The following CGGBP1 variants were observed in gnomAD, a reference collection of about 807,000 sequenced individuals.
CGGBP1 encodes the protein CGG triplet repeat-binding protein 1.
CGGBP1 carries 4 observed loss-of-function variants against 11.4 expected under a neutral mutation model. The ratio of observed to expected loss-of-function variants is 0.35; its 90% CI spans 0.17 to 0.80. CGGBP1 has a LOEUF of 0.80. CGGBP1 is among the 30% of genes least tolerant of loss of function. CGGBP1 has a pLI of 0.52. For missense variants in CGGBP1, 135 were observed against 202.1 expected (o/e 0.67, Z 2.01); for synonymous variants, 76 against 74.1 (o/e 1.03, Z -0.13).
chr3:88,108,997 A>G (rs1286150977), intron 2 of CGGBP1, among the ~76,000 whole-genome samples: 5 of 152,110 alleles, frequency 3.3e-5, no homozygotes, highest in Admixed American at 6.6e-5. Context: ...GTTAAGATGG[A>G]AAAGGCGTTA....
At position 88,055,411 on chromosome 3, in the gene CGGBP1, C is replaced by T; in HGVS notation, c.*62G>A. On this transcript the variant is annotated 3_prime_UTR_variant, in exon 4 of 4. Coordinates refer to ENST00000482016, the MANE Select transcript of CGGBP1 (RefSeq NM_001008390.2). This position sits in a 1 kb window ranked among gnomAD's most constrained non-coding sequence, Gnocchi z 4.2. The stretch of plus-strand genomic sequence containing the variant: ...GAAATAAATACAAAAATGAACCACA[C>T]AATCAACACATAACTTTAATACTCC... 1 of 1,367,222 alleles carries T rather than the reference C, an allele frequency of 7.3e-7. No homozygotes were observed. The highest frequency in any genetic ancestry group is 1.7e-5 in the South Asian group (1 of 58,622). The allele number at this position is 1,367,222 out of a possible 1,614,324, so 84.7% of individuals were successfully genotyped here.
intron 2 of CGGBP1, among the ~76,000 whole-genome samples, chr3:88,116,170 C>T (rs1705377911): frequency 6.6e-6 from 1 of 152,080 alleles, no homozygotes. Flanking sequence ...GTGCATCAGG[C>T]ATGCAGCAGA....
rs1299264844 is a variant in CGGBP1, at chr3:88,104,248, ACTG to A, written c.-229+36719_-229+36721del. ...ATAGAGTGGAAAATGGTAAATAAAA[ACTG>A]AAGATAAATATCAAATTAAATTTTT... On this transcript the variant is annotated intron_variant, in intron 2 of 3. Transcript: ENST00000462901. Among the ~76,000 whole-genome samples, 3 of 152,322 alleles carry A rather than the reference ACTG, an allele frequency of 2.0e-5. No individual in the cohort carries two copies. In the East Asian group the frequency reaches 5.8e-4, roughly 29 times the overall value.
chr3:88,116,796 A>T (rs948423483), intron 2 of CGGBP1, among the ~76,000 whole-genome samples: 1 of 152,142 alleles, frequency 6.6e-6, no homozygotes, highest in African/African-American at 2.4e-5. Flanking sequence ...CTCATAGGCC[A>T]TGATCTACTA....
chr3:88,058,324 T>C (rs1706623028), intron 1 of CGGBP1, 101 bp from the exon 2 acceptor site: 1 of 152,172 alleles, frequency 6.6e-6, no homozygotes, highest in East Asian at 1.9e-4. Flanking sequence ...CACGCAGGTG[T>C]TTCTAAAATC....
intron 2 of CGGBP1, chr3:88,139,545 A>G (rs752608141): frequency 1.9e-6 from 3 of 1,613,510 alleles, no homozygotes; most frequent in Non-Finnish European, 2.5e-6. Flanking sequence ...TAGTTCTTCC[A>G]TTTCATTTGA....
chr3:88,100,350 TA>T (rs1343417121), intron 2 of CGGBP1, among the ~76,000 whole-genome samples: 2 of 152,090 alleles, frequency 1.3e-5, no homozygotes, highest in Non-Finnish European at 2.9e-5. Context: ...TGTGGAGAAA[TA>T]GGAACACTTT....
At chr3:88,060,137 C>T (rs985283695), upstream of CGGBP1, among the ~76,000 whole-genome samples, 1 of 152,038 alleles carries the variant, frequency 6.6e-6, no homozygotes, top group Admixed American at 6.6e-5. Flanking sequence ...TAACCTCCTT[C>T]GGTTGACACA....
intron 2 of CGGBP1, among the ~76,000 whole-genome samples, chr3:88,087,352 G>A (rs1708391292): frequency 6.6e-6 from 1 of 152,172 alleles, no homozygotes; most frequent in Non-Finnish European, 1.5e-5. Flanking sequence ...TGGGATTACA[G>A]GCGTGAGCTA....
chr3:88,147,108 G>C (rs1707326694), intron 1 of CGGBP1, among the ~76,000 whole-genome samples: 1 of 152,100 alleles, frequency 6.6e-6, no homozygotes, highest in African/African-American at 2.4e-5. Context: ...ATATTCATTG[G>C]ATACCTACCA....
At chr3:88,110,587 A>T (rs1417692615) in intron 2 of CGGBP1, among the ~76,000 whole-genome samples, 1 of 152,114 alleles carries the variant, frequency 6.6e-6, no homozygotes, top group Non-Finnish European at 1.5e-5. Context: ...TGTGAGCAGT[A>T]GTTTACCAGC....
At chr3:88,088,027 CA>C (rs1708428436) in intron 2 of CGGBP1, among the ~76,000 whole-genome samples, 1 of 152,154 alleles carries the variant, frequency 6.6e-6, no homozygotes, top group African/African-American at 2.4e-5. Flanking sequence ...CTACAAAATC[CA>C]AAACCTGAAA....
At chr3:88,081,993 G>T (rs1427382366) in intron 2 of CGGBP1, among the ~76,000 whole-genome samples, 1 of 152,154 alleles carries the variant, frequency 6.6e-6, no homozygotes, top group African/African-American at 2.4e-5. Flanking sequence ...TAGGTATTTA[G>T]AAAATTAGCA....
At chr3:88,132,489 T>G (rs1354386111) in intron 2 of CGGBP1, among the ~76,000 whole-genome samples, 1 of 152,206 alleles carries the variant, frequency 6.6e-6, no homozygotes, top group Non-Finnish European at 1.5e-5. Context: ...TTTTCAGGAT[T>G]TTTTTGTTGT....
rs1400420874 is a variant in CGGBP1, at chr3:88,101,044, T to C, written c.-229+39926A>G. 3.9e-5 allele frequency among the ~76,000 whole-genome samples: 6 copies of C among 152,326 alleles called. No homozygotes were observed. The South Asian group carries it at 8.3e-4, about 21-fold the overall frequency. On this transcript the variant is annotated intron_variant, in intron 2 of 3. Coordinates refer to the CGGBP1 transcript ENST00000462901. ...AACTATCACCTAGCTTCAACAGTTA[T>C]CAGTATATTGTCAATCTTGTTTCAG...
intron 2 of CGGBP1, among the ~76,000 whole-genome samples, chr3:88,093,458 T>C (rs1424854913): frequency 6.6e-6 from 1 of 152,164 alleles, no homozygotes; most frequent in Non-Finnish European, 1.5e-5. Flanking sequence ...GGCCACTAGG[T>C]CCACAAGAAT....
intron 2 of CGGBP1, among the ~76,000 whole-genome samples, chr3:88,100,896 AC>A (rs1704381049): frequency 6.6e-6 from 1 of 152,196 alleles, no homozygotes; most frequent in Non-Finnish European, 1.5e-5. Context: ...CCAACATGGC[AC>A]CTGTATACAT....
chr3:88,101,139 A>G (rs1241892616), intron 2 of CGGBP1, among the ~76,000 whole-genome samples: 1 of 152,180 alleles, frequency 6.6e-6, no homozygotes, highest in Non-Finnish European at 1.5e-5. Context: ...AAAAGTATAA[A>G]ATCCATATAA....
chr3:88,108,995 G>A (rs1204140284), intron 2 of CGGBP1, among the ~76,000 whole-genome samples: 2 of 152,038 alleles, frequency 1.3e-5, no homozygotes, highest in African/African-American at 4.8e-5. Context: ...TAGTTAAGAT[G>A]GAAAAGGCGT....
Sources: gnomAD v4.1 joint callset for allele counts (sites outside exome capture counted in the v4.1 genomes callset) on GRCh38, gnomAD v4.1.1 for gene constraint, Gnocchi (gnomAD v3.1) non-coding constraint, MANE v1.5 for transcripts, NCBI Gene and HGNC (gene_info 2026-07-23, HGNC 2026-07-21) for gene names.